The following UGCG variants were observed in gnomAD, a reference collection of about 807,000 sequenced individuals.
UGCG encodes ceramide glucosyltransferase.
UGCG carries 10 observed loss-of-function variants against 49.5 expected under a neutral mutation model. That is an observed-to-expected ratio of 0.20 (90% CI 0.12 to 0.34). The LOEUF (loss-of-function observed/expected upper bound fraction) is 0.34. Among genes scored for constraint, UGCG ranks in the 10% least tolerant of loss-of-function variants. UGCG has a pLI of 1.00. For synonymous variants in UGCG, 182 were observed against 158.2 expected (o/e 1.15, Z -1.13); for missense variants, 312 against 483.7 (o/e 0.65, Z 3.33).
At chr9:111,926,196 C>T (rs918031157) in intron 4 of UGCG, among the ~76,000 whole-genome samples, 188 bp from the exon 5 acceptor site, 4 of 152,102 alleles carry the variant, frequency 2.6e-5, no homozygotes, top group African/African-American at 9.7e-5. Flanking sequence ...GAGAATTAGG[C>T]CCTTTTGAAA....
At position 111,935,249 on chromosome 9, in the gene UGCG, G is replaced by C. The variant is rs1490679526; in HGVS notation, c.*2252G>C. On this transcript the variant is annotated 3_prime_UTR_variant, in exon 9 of 9. Transcript: ENST00000374279. ...AGAAAGCATCACAACAGAACTATAG[G>C]AGTCTAAATTTAATAAATCTTTAAA... 1 of 151,918 alleles carries C rather than the reference G, an allele frequency of 6.6e-6. No individual in the cohort carries two copies. Among genetic ancestry groups the C allele is most frequent in the East Asian group, 1.9e-4 (1 of 5,190 alleles). 9.4% of individuals were successfully genotyped at this position (151,918 alleles called of 1,614,324 possible).
At chr9:111,925,971 CA>C (rs1243639019) in intron 4 of UGCG, among the ~76,000 whole-genome samples, 1 of 152,182 alleles carries the variant, frequency 6.6e-6, no homozygotes, top group African/African-American at 2.4e-5. Flanking sequence ...CTGATACTCA[CA>C]GAGAAAATAG....
At chr9:111,917,000 A>T (rs1453638554) in intron 2 of UGCG, among the ~76,000 whole-genome samples, 1 of 151,980 alleles carries the variant, frequency 6.6e-6, no homozygotes, top group Non-Finnish European at 1.5e-5. Flanking sequence ...AAAATTAAAA[A>T]ATTGAAATAA....
chr9:111,905,485 C>T (rs555878984), intron 1 of UGCG, among the ~76,000 whole-genome samples: 6 of 148,674 alleles, frequency 4.0e-5, no homozygotes, highest in Admixed American at 2.0e-4. Flanking sequence ...GAGGGAGTTT[C>T]GATCTTGTCA....
chr9:111,929,699 C>T (rs1564205969), intron 6 of UGCG, 21 bp downstream of exon 6: 2 of 1,609,238 alleles, frequency 1.2e-6, no homozygotes, highest in Non-Finnish European at 1.7e-6. Context: ...TAAATGAAGC[C>T]ATAGTATTTT....
intron 1 of UGCG, 76 bp downstream of exon 1, chr9:111,897,389 C>A: frequency 8.1e-7 from 1 of 1,236,574 alleles, no homozygotes; most frequent in Non-Finnish European, 1.1e-6. Flanking sequence ...GAAACGTTTG[C>A]GCTTTGAAGG....
chr9:111,921,676 A>G (rs1838223692), intron 2 of UGCG, among the ~76,000 whole-genome samples: 1 of 151,594 alleles, frequency 6.6e-6, no homozygotes, highest in South Asian at 2.1e-4. Context: ...TGGGTTGTTA[A>G]TGGAAATTTA....
intron 6 of UGCG, among the ~76,000 whole-genome samples, chr9:111,930,245 A>G (rs1380233100): frequency 6.6e-6 from 1 of 152,174 alleles, no homozygotes; most frequent in Non-Finnish European, 1.5e-5. Flanking sequence ...ATTAAAAGTA[A>G]GTTTCTCTGT....
intron 3 of UGCG, among the ~76,000 whole-genome samples, chr9:111,923,635 T>G (rs1003143898): frequency 2.7e-5 from 4 of 147,860 alleles, no homozygotes; most frequent in African/African-American, 7.6e-5. Context: ...GTTTTTTTGG[T>G]TTTTTTTTTC....
chr9:111,903,228 G>T (rs1837811624), intron 1 of UGCG, among the ~76,000 whole-genome samples: 1 of 152,110 alleles, frequency 6.6e-6, no homozygotes, highest in Admixed American at 6.6e-5. Context: ...CTTCCCTCTT[G>T]CAAAAGCCAA....
chr9:111,929,894 C>T (rs1838392046), intron 6 of UGCG, among the ~76,000 whole-genome samples: 1 of 152,174 alleles, frequency 6.6e-6, no homozygotes, highest in African/African-American at 2.4e-5. Context: ...TCTTGGCTCA[C>T]TGTAGCCTCT....
Position 111,896,993 on chromosome 9 carries a change from G to GCCCGCAGCCT in UGCG, c.-218_-217insAGCCTCCCGC, listed in dbSNP as rs1837672953. The GCCCGCAGCCT allele has an allele frequency of 3.9e-6, 1 of 254,148 alleles. No homozygotes were observed. The highest frequency in any genetic ancestry group is 7.3e-6 in the Non-Finnish European group (1 of 136,576). The allele number at this position is 254,148 out of a possible 1,614,324, so 15.7% of individuals were successfully genotyped here. On this transcript the variant is annotated 5_prime_UTR_variant, in exon 1 of 9. Transcript: ENST00000374279. ...CCGGGAGACCGCAGCACCCGCAGCC[G>GCCCGCAGCCT]CCCGCGAGCGCGCCGAAGACAGCGC...
At chr9:111,914,089 G>A (rs929266090) in intron 1 of UGCG, among the ~76,000 whole-genome samples, 2 of 152,026 alleles carry the variant, frequency 1.3e-5, no homozygotes, top group South Asian at 2.1e-4. Context: ...TGCTGCAGAC[G>A]GTGTTTTATT....
At position 111,917,532 on chromosome 9, in the gene UGCG, A is replaced by G. The variant is rs147652057; in HGVS notation, c.240+2786A>G. ...TTTACCAGAGTATGGAAATGTTTTC[A>G]TTTTGGACATAACTTTCTCTTCTAA... On this transcript the variant is annotated intron_variant, in intron 2 of 8. Coordinates refer to ENST00000374279, the MANE Select transcript of UGCG (RefSeq NM_003358.3). 9.6e-4 allele frequency among the ~76,000 whole-genome samples: 147 copies of G among 152,332 alleles called. 2 individuals are homozygous for G. The highest frequency in any genetic ancestry group is 3.5e-3 in the South Asian group (17 of 4,834).
chr9:111,929,613 A>G lies in UGCG; in HGVS notation c.672A>G (p.Gly224=), dbSNP rs760570989. 17 of 1,614,148 alleles carry G rather than the reference A, an allele frequency of 1.1e-5. No homozygotes were observed. In the South Asian group the frequency reaches 1.9e-4, roughly 18 times the overall value. Residue 224 remains glycine, a synonymous_variant, in exon 6 of 9, where the codon GGA becomes GGG. Coordinates refer to ENST00000374279, the MANE Select transcript of UGCG (RefSeq NM_003358.3). ...GAAAAGATGTGTTGGATCAAGCAGG[A>G]GGACTTATAGCTTTTGCTCAGTACA... ...LMRKDVLDQA[G]GLIAFAQYIA...
intron 5 of UGCG, among the ~76,000 whole-genome samples, chr9:111,927,146 C>T (rs868490466): frequency 9.2e-5 from 14 of 152,034 alleles, no homozygotes; most frequent in Admixed American, 2.6e-4. Context: ...GCTGGGATTA[C>T]GGGCATGAGC....
At chr9:111,902,746 C>A (rs1434104369) in intron 1 of UGCG, among the ~76,000 whole-genome samples, 1 of 151,680 alleles carries the variant, frequency 6.6e-6, no homozygotes, top group African/African-American at 2.4e-5. Flanking sequence ...TTGTGGAATT[C>A]ATATTCTTCC....
At chr9:111,925,338 A>G (rs1202749785) in intron 4 of UGCG, among the ~76,000 whole-genome samples, 1 of 152,256 alleles carries the variant, frequency 6.6e-6, no homozygotes, top group Admixed American at 6.5e-5. Flanking sequence ...GAAGCCTTTC[A>G]TATACTGAAA....
At chr9:111,915,280 T>C (rs1163829661) in intron 2 of UGCG, among the ~76,000 whole-genome samples, 1 of 152,270 alleles carries the variant, frequency 6.6e-6, no homozygotes, top group Admixed American at 6.5e-5. Context: ...ACCATTTATC[T>C]ATATAATCTG....
Sources: gnomAD v4.1 joint callset for allele counts (sites outside exome capture counted in the v4.1 genomes callset) on GRCh38, gnomAD v4.1.1 for gene constraint, MANE v1.5 for transcripts, NCBI Gene and HGNC (gene_info 2026-07-23, HGNC 2026-07-21) for gene names.